SLC13A5: variants seen among roughly 807,000 people sequenced by gnomAD.
SLC13A5 encodes solute carrier family 13 member 5, also known as Na(+)/citrate cotransporter.
In SLC13A5, 25 loss-of-function variants were observed where a neutral mutation model predicts 56.5. The observed-to-expected ratio is 0.44, with a 90% CI of 0.32 to 0.62. SLC13A5 has a LOEUF of 0.62. Among genes scored for constraint, SLC13A5 ranks in the 20% least tolerant of loss-of-function variants. The pLI is 0.04. For synonymous variants in SLC13A5, 307 were observed against 301.5 expected (o/e 1.02, Z -0.19); for missense variants, 649 against 737.8 (o/e 0.88, Z 1.39).
At position 6,711,796 on chromosome 17, in the gene SLC13A5, C is replaced by T. The variant is rs535791673; in HGVS notation, c.102+1436G>A. Among the ~76,000 whole-genome samples the T allele has an allele frequency of 6.6e-6, 1 of 151,930 alleles. No individual in the cohort carries two copies. Among genetic ancestry groups the T allele is most frequent in the African/African-American group, 2.4e-5 (1 of 41,320 alleles). ...ATAATCATTCCAGGGAACATCACTC[C>T]CTACCAGCAGAGCTGAAATCGCAGC... On this transcript the variant is annotated intron_variant, in intron 1 of 11. Coordinates refer to ENST00000433363, the MANE Select transcript of SLC13A5 (RefSeq NM_177550.5). This position sits in a 1 kb window ranked among gnomAD's most constrained non-coding sequence, Gnocchi z 4.0.
At position 6,686,251 on chromosome 17, in the gene SLC13A5, C is replaced by A; in HGVS notation, c.1663G>T (p.Asp555Tyr). 1 of 1,614,118 alleles carries A rather than the reference C, an allele frequency of 6.2e-7. No homozygotes were observed. The highest frequency in any genetic ancestry group is 8.5e-7 in the Non-Finnish European group (1 of 1,180,026). Residue 555 changes from aspartate to tyrosine, a missense_variant, in exon 12 of 12, where the codon GAT (aspartate) becomes TAT (tyrosine). Asp to Tyr is a radical substitution (Grantham distance 160). Transcript: ENST00000433363. ...NTWGRAIFDL[D>Y]HFPDWANVTH... ...ACATTAGCCCAGTCAGGGAAATGAT[C>A]CAAGTCAAATATGGCCCGTCCCCAG...
intron 6 of SLC13A5, among the ~76,000 whole-genome samples, chr17:6,698,856 G>A (rs1165845019): frequency 1.3e-5 from 2 of 151,932 alleles, no homozygotes; most frequent in Non-Finnish European, 2.9e-5. Context: ...TGGCCAACAT[G>A]GCAAAACCCC....
At position 6,704,075 on chromosome 17, in the gene SLC13A5, G is replaced by A. The variant is rs1230045010; in HGVS notation, c.369-19C>T. 1 of 1,602,910 alleles carries A rather than the reference G, an allele frequency of 6.2e-7. No individual in the cohort carries two copies. Among genetic ancestry groups the A allele is most frequent in the East Asian group, 2.2e-5 (1 of 44,598 alleles). ...CATCAGCCTGCAGAGGAGGGGCAGG[G>A]AGGAAAGCCAGAGAATCCCCACCCC... On this transcript the variant is annotated intron_variant, in intron 3 of 11. Coordinates refer to ENST00000433363, the MANE Select transcript of SLC13A5 (RefSeq NM_177550.5).
Position 6,711,520 on chromosome 17 carries a change from G to A in SLC13A5, c.102+1712C>T, listed in dbSNP as rs1482844541. Among the ~76,000 whole-genome samples, 5 of 150,216 alleles carry A rather than the reference G, an allele frequency of 3.3e-5. No homozygotes were observed. Among genetic ancestry groups the A allele is most frequent in the Non-Finnish European group, 3.0e-5 (2 of 67,348 alleles). ...TGTGTGTGTGTGTATGTGTATGTGT[G>A]TGTTTGTGTTTTTTGTGTGTTTTGT... is the stretch of plus-strand genomic sequence containing the variant. On this transcript the variant is annotated intron_variant, in intron 1 of 11. Coordinates refer to ENST00000433363, the MANE Select transcript of SLC13A5 (RefSeq NM_177550.5). This position sits in a 1 kb window ranked among gnomAD's most constrained non-coding sequence, Gnocchi z 4.0.
Position 6,711,715 on chromosome 17 carries a change from GTA to G in SLC13A5, c.102+1515_102+1516del, listed in dbSNP as rs1974043555. ...TGTGTGTGTGTGAGAGAGAGAGTGT[GTA>G]TGTGTGTGTGTGTGAGTGGGGTCTC... On this transcript the variant is annotated intron_variant, in intron 1 of 11. Transcript: ENST00000433363. This position sits in a 1 kb window ranked among gnomAD's most constrained non-coding sequence, Gnocchi z 4.0. Among the ~76,000 whole-genome samples, 2 of 151,824 alleles carry G rather than the reference GTA, an allele frequency of 1.3e-5. No individual in the cohort carries two copies. Among genetic ancestry groups the G allele is most frequent in the Middle Eastern group, 3.4e-3 (1 of 294 alleles).
chr17:6,707,284 T>A, intron 1 of SLC13A5, 128 bp from the exon 2 acceptor site: 1 of 1,256,680 alleles, frequency 8.0e-7, no homozygotes, highest in Non-Finnish European at 1.1e-6. Flanking sequence ...CCCCTCAAAG[T>A]CATCTTGTTC....
At chr17:6,708,209 C>G (rs1443099532) in intron 1 of SLC13A5, among the ~76,000 whole-genome samples, 5 of 152,230 alleles carry the variant, frequency 3.3e-5, no homozygotes, top group Non-Finnish European at 7.3e-5. Flanking sequence ...ACCTCATGAT[C>G]CGCCCACCTC....
At chr17:6,699,660 G>C (rs889580770) in intron 6 of SLC13A5, among the ~76,000 whole-genome samples, 1 of 152,124 alleles carries the variant, frequency 6.6e-6, no homozygotes, top group South Asian at 2.1e-4. Context: ...TAGTAGAGAT[G>C]GGGTTTCACC....
In SLC13A5 at chr17:6,707,155, A is replaced by C; in HGVS notation, c.104T>G (p.Phe35Cys). The change falls in exon 2 of 12, where the codon TTT (phenylalanine) becomes TGT (cysteine). Residue 35 changes from phenylalanine to cysteine, a missense_variant and splice_region_variant. Phe to Cys is a radical substitution (Grantham distance 205, BLOSUM62 -2). Transcript: ENST00000433363. ...GATGATGACGTAGGCACACCTGACA[A>C]ACTGAAGAGACAGTCCTGAGGCCTC... is the stretch of plus-strand genomic sequence containing the variant. ...LPLVILMPAK[F>C]VRCAYVIILM... The C allele has an allele frequency of 1.2e-6, 2 of 1,613,816 alleles. No individual in the cohort carries two copies. The highest frequency in any genetic ancestry group is 1.7e-6 in the Non-Finnish European group (2 of 1,179,916).
rs149678704 is a variant in SLC13A5 at position 6,687,718 on chromosome 17, G to C, written c.1438-52C>G. 26 of 1,502,468 alleles carry C rather than the reference G, an allele frequency of 1.7e-5. No individual in the cohort carries two copies. Among genetic ancestry groups the C allele is most frequent in the Non-Finnish European group, 2.3e-5 (26 of 1,128,710 alleles). The allele number at this position is 1,502,468 out of a possible 1,614,324, so 93.1% of individuals were successfully genotyped here. A position where few individuals can be genotyped will look rare whatever the true frequency, so the allele number is the denominator to read the frequency against. ...ACCGTACAGAACACAGAAGCTCTTG[G>C]GGACGTGATTCTGAAAAGGATTCTC... On this transcript the variant is annotated intron_variant, in intron 10 of 11. Coordinates refer to ENST00000433363, the MANE Select transcript of SLC13A5 (RefSeq NM_177550.5). The surrounding 1 kb of genome is among the most constrained non-coding windows in gnomAD (Gnocchi z 5.0).
chr17:6,710,346 A>G (rs147757841), intron 1 of SLC13A5, among the ~76,000 whole-genome samples: 6 of 152,338 alleles, frequency 3.9e-5, no homozygotes, highest in Middle Eastern at 3.4e-3. Flanking sequence ...CCTGCTCCCA[A>G]TCCTGGTCCC....
chr17:6,703,189 C>T (rs776817202), intron 4 of SLC13A5, 51 bp from the exon 5 acceptor site: 6 of 1,604,110 alleles, frequency 3.7e-6, no homozygotes, highest in Admixed American at 1.7e-5. Flanking sequence ...GGCTGCCCAC[C>T]CAGCCCCAGG....
At position 6,701,992 on chromosome 17, in the gene SLC13A5, C is replaced by T. The variant is rs1567621389; in HGVS notation, c.717-866G>A. On this transcript the variant is annotated intron_variant, in intron 5 of 11. Coordinates refer to ENST00000433363, the MANE Select transcript of SLC13A5 (RefSeq NM_177550.5). The surrounding 1 kb of genome is among the most constrained non-coding windows in gnomAD (Gnocchi z 4.1). ...AGGCGCAGAGCTTTCCCCACTCAGCCCAGACGGGCTGCTCTTCCCAAAGAA... is the reference window on the plus strand; with the variant it reads ...AGGCGCAGAGCTTTCCCCACTCAGCTCAGACGGGCTGCTCTTCCCAAAGAA... 6.6e-6 allele frequency among the ~76,000 whole-genome samples: 1 copy of T among 152,170 alleles called. No homozygotes were observed. Among genetic ancestry groups the T allele is most frequent in the Non-Finnish European group, 1.5e-5 (1 of 68,038 alleles).
intron 4 of SLC13A5, among the ~76,000 whole-genome samples, 189 bp from the exon 5 acceptor site, chr17:6,703,327 C>T (rs566964571): frequency 6.6e-6 from 1 of 152,348 alleles, no homozygotes; most frequent in Admixed American, 6.5e-5. Context: ...CAGGACCTTG[C>T]CCAGGGTCTG....
chr17:6,697,472 T>C (rs1001564882), intron 6 of SLC13A5, among the ~76,000 whole-genome samples: 3 of 152,218 alleles, frequency 2.0e-5, no homozygotes, highest in African/African-American at 7.2e-5. Context: ...CATCTCTGGG[T>C]TAATTTCATC....
chr17:6,711,713 G>T lies in SLC13A5; in HGVS notation c.102+1519C>A, dbSNP rs1974043449. On this transcript the variant is annotated intron_variant, in intron 1 of 11. Transcript: ENST00000433363. This position sits in a 1 kb window ranked among gnomAD's most constrained non-coding sequence, Gnocchi z 4.0. ...AGTGTGTGTGTGTGAGAGAGAGAGT[G>T]TGTATGTGTGTGTGTGTGAGTGGGG... Among the ~76,000 whole-genome samples the T allele has an allele frequency of 6.6e-6, 1 of 151,696 alleles. No homozygotes were observed. The highest frequency in any genetic ancestry group is 6.6e-5 in the Admixed American group (1 of 15,226).
At chr17:6,693,935 A>G (rs1358518787) in intron 8 of SLC13A5, among the ~76,000 whole-genome samples, 162 bp downstream of exon 8, 1 of 152,242 alleles carries the variant, frequency 6.6e-6, no homozygotes, top group East Asian at 1.9e-4. Context: ...GCACTAAATA[A>G]TACCACCGGT....
intron 5 of SLC13A5, among the ~76,000 whole-genome samples, chr17:6,702,356 T>C (rs1410152205): frequency 1.3e-5 from 2 of 152,202 alleles, no homozygotes; most frequent in Non-Finnish European, 2.9e-5. Context: ...GGGGTCCTCA[T>C]GGCCTGCATC....
chr17:6,692,522 C>T lies in SLC13A5; in HGVS notation c.1275+522G>A, dbSNP rs1267764815. On this transcript the variant is annotated intron_variant, in intron 9 of 11. Coordinates refer to ENST00000433363, the MANE Select transcript of SLC13A5 (RefSeq NM_177550.5). The surrounding 1 kb of genome is among the most constrained non-coding windows in gnomAD (Gnocchi z 5.5). The stretch of plus-strand genomic sequence containing the variant: ...CAGCAGCAAGCTAGCTCATCCCTCC[C>T]TCTGGCTCATTTCTTCCCCAGGAGG... 1.3e-5 allele frequency among the ~76,000 whole-genome samples: 2 copies of T among 152,174 alleles called. No homozygotes were observed. Among genetic ancestry groups the T allele is most frequent in the South Asian group, 2.1e-4 (1 of 4,830 alleles).
Sources: allele counts gnomAD v4.1 joint callset (sites outside exome capture counted in the v4.1 genomes callset), GRCh38; gene constraint gnomAD v4.1.1; non-coding constraint Gnocchi (gnomAD v3.1); transcripts MANE v1.5; gene names NCBI Gene and HGNC (gene_info 2026-07-23, HGNC 2026-07-21).